Variants in PRKCH observed in about 807,000 individuals in gnomAD.
PRKCH encodes protein kinase C eta type.
In PRKCH, 28 loss-of-function variants were observed where a neutral mutation model predicts 82.5. The ratio of observed to expected loss-of-function variants is 0.34; its 90% CI spans 0.25 to 0.47. The LOEUF is 0.47. Ranked by LOEUF, PRKCH falls within the 20% of genes least tolerant of loss-of-function variation. The probability of loss-of-function intolerance (pLI) is 1.00; values close to 1 mark genes in which losing one functional copy is unlikely to be tolerated. For missense variants in PRKCH, 705 were observed against 881.8 expected, an observed-to-expected ratio of 0.80 and a Z score of 2.54; for synonymous variants, 322 against 327.4, an observed-to-expected ratio of 0.98 and a Z score of 0.18.
At position 61,444,510 on chromosome 14, in the gene PRKCH, G is replaced by A. The variant is rs1884123515; in HGVS notation, c.579-1182G>A. ...CCTGACCTGAACTGACATTCATAAT[G>A]GAAACTTATTTGATCATTTCACTGA... On this transcript the variant is annotated intron_variant, in intron 3 of 13. Transcript: ENST00000332981. 2.0e-5 allele frequency among the ~76,000 whole-genome samples: 3 copies of A among 152,014 alleles called. No individual in the cohort carries two copies. The South Asian group carries it at 6.2e-4, about 32-fold the overall frequency.
chr14:61,481,677 A>G (rs1409752248), intron 9 of PRKCH, among the ~76,000 whole-genome samples: 1 of 152,242 alleles, frequency 6.6e-6, no homozygotes, highest in Non-Finnish European at 1.5e-5. Flanking sequence ...TAGAAAAAAG[A>G]AATGTCACCC....
chr14:61,376,539 T>C (rs1446555893), intron 1 of PRKCH, among the ~76,000 whole-genome samples: 1 of 152,198 alleles, frequency 6.6e-6, no homozygotes, highest in Non-Finnish European at 1.5e-5. Context: ...AGTCTTACCG[T>C]CTTCCAGATA....
chr14:61,279,338 C>G (rs1335720162), intron 1 of PRKCH: 2 of 152,180 alleles, frequency 1.3e-5, no homozygotes, highest in African/African-American at 4.8e-5. Flanking sequence ...AGTGCCAGAC[C>G]AAACCTGGAA....
chr14:61,373,356 G>T (rs1180794070), intron 1 of PRKCH, among the ~76,000 whole-genome samples: 1 of 151,588 alleles, frequency 6.6e-6, no homozygotes, highest in African/African-American at 2.4e-5. Flanking sequence ...AGAGTAAAGG[G>T]GAAAGTGCCA....
At chr14:61,403,683 C>T (rs1881787172) in intron 2 of PRKCH, among the ~76,000 whole-genome samples, 1 of 152,174 alleles carries the variant, frequency 6.6e-6, no homozygotes, top group Non-Finnish European at 1.5e-5. Flanking sequence ...GCTGTGAGCA[C>T]TAAAAGCTGA....
intron 2 of PRKCH, among the ~76,000 whole-genome samples, chr14:61,401,378 G>T (rs1881606233): frequency 6.6e-6 from 1 of 152,174 alleles, no homozygotes; most frequent in Non-Finnish European, 1.5e-5. Flanking sequence ...CTGACTGTAA[G>T]TGAAAAAACT....
intron 4 of PRKCH, 111 bp downstream of exon 4, chr14:61,445,837 TG>T: frequency 8.5e-7 from 1 of 1,178,906 alleles, no homozygotes; most frequent in South Asian, 1.3e-5. Flanking sequence ...AATAACTCTC[TG>T]TAGGTCAAAG....
intron 9 of PRKCH, among the ~76,000 whole-genome samples, chr14:61,479,246 C>CGTTTCCTAACTCAT (rs1480938509): frequency 6.6e-6 from 1 of 152,182 alleles, no homozygotes; most frequent in African/African-American, 2.4e-5. Context: ...AAGCAGTTTC[C>CGTTTCCTAACTCAT]GTTTCCTAAC....
rs761903515 is a variant in PRKCH at position 61,449,230 on chromosome 14, A to G, written c.680A>G (p.Asn227Ser). 32 of 1,613,642 alleles carry G rather than the reference A, an allele frequency of 2.0e-5. No individual in the cohort carries two copies. The highest frequency in any genetic ancestry group is 2.7e-5 in the Non-Finnish European group (32 of 1,179,686). Residue 227 changes from asparagine to serine, a missense_variant, in exon 5 of 14, where the codon AAT (asparagine) becomes AGT (serine). Asn to Ser is a conservative substitution (Grantham distance 46). Coordinates refer to ENST00000332981, the MANE Select transcript of PRKCH (RefSeq NM_006255.5). ...LIVTACTCQN[N>S]INKVDSKIAE... Reference sequence around the variant, plus strand: ...GTTACAGCCTGTACTTGCCAAAACAATATTAACAAAGTGGATTCAAAGGTA... The same window carrying G: ...GTTACAGCCTGTACTTGCCAAAACAGTATTAACAAAGTGGATTCAAAGGTA...
At chr14:61,451,971 G>A (rs895695792) in intron 6 of PRKCH, among the ~76,000 whole-genome samples, 6 of 152,194 alleles carry the variant, frequency 3.9e-5, no homozygotes, top group Non-Finnish European at 7.3e-5. Flanking sequence ...CTTGTAGGGC[G>A]TTGGTCCAGG....
At chr14:61,516,862 T>A (rs932669537) in intron 10 of PRKCH, among the ~76,000 whole-genome samples, 2 of 152,194 alleles carry the variant, frequency 1.3e-5, no homozygotes, top group Non-Finnish European at 2.9e-5. Context: ...AACAAAGCCT[T>A]TTATGCAAAA....
At chr14:61,192,891 G>A (rs2044415628) in intron 1 of PRKCH, among the ~76,000 whole-genome samples, 1 of 152,206 alleles carries the variant, frequency 6.6e-6, no homozygotes, top group Non-Finnish European at 1.5e-5. Context: ...TCTGTGAACA[G>A]AGCAACCACT....
At chr14:61,250,599 C>T (rs1420401382) in intron 1 of PRKCH, among the ~76,000 whole-genome samples, 6 of 151,834 alleles carry the variant, frequency 4.0e-5, no homozygotes, top group South Asian at 2.1e-4. Flanking sequence ...GAGGAGGGGA[C>T]GGATAGGTGG....
chr14:61,276,224 G>GA (rs939729636), intron 1 of PRKCH, among the ~76,000 whole-genome samples: 159 of 149,196 alleles, frequency 1.1e-3, no homozygotes, highest in Middle Eastern at 3.4e-3. Flanking sequence ...TTTTCCTGGG[G>GA]AAAAAAAAAT....
intron 1 of PRKCH, among the ~76,000 whole-genome samples, chr14:61,271,108 A>C (rs1594883966): frequency 6.6e-6 from 1 of 152,242 alleles, no homozygotes; most frequent in Non-Finnish European, 1.5e-5. Context: ...CAATGTGTGC[A>C]CAACTTAAGG....
intron 1 of PRKCH, chr14:61,278,954 TATGA>T (rs1178741554): frequency 1.4e-5 from 2 of 145,896 alleles, no homozygotes; most frequent in African/African-American, 2.5e-5. Context: ...AGGGAAAAGG[TATGA>T]ATGAAGCCCT....
chr14:61,300,779 G>A lies in PRKCH; in HGVS notation c.-19+113111G>A, dbSNP rs2045442496. Reference sequence around the variant, plus strand: ...GAATGGCTGGCAGCTGTGACAATAGGAAAAGGCTACCTGGGGGCTAGGCAT... The same window carrying A: ...GAATGGCTGGCAGCTGTGACAATAGAAAAAGGCTACCTGGGGGCTAGGCAT... On this transcript the variant is annotated intron_variant, in intron 1 of 3. Transcript: ENST00000555185. Among the ~76,000 whole-genome samples, 3 of 152,234 alleles carry A rather than the reference G, an allele frequency of 2.0e-5. No individual in the cohort carries two copies. In the South Asian group the frequency reaches 6.2e-4, roughly 32 times the overall value.
At chr14:61,208,151 C>G (rs2044542431) in intron 1 of PRKCH, among the ~76,000 whole-genome samples, 1 of 152,038 alleles carries the variant, frequency 6.6e-6, no homozygotes, top group Non-Finnish European at 1.5e-5. Flanking sequence ...TGTTTAATTA[C>G]AAAGTATTTA....
chr14:61,433,174 A>G (rs969033667), intron 2 of PRKCH, among the ~76,000 whole-genome samples: 1 of 152,210 alleles, frequency 6.6e-6, no homozygotes. Context: ...GCAACAGTAC[A>G]GCAGTTTTAA....
Sources: allele counts gnomAD v4.1 joint callset (sites outside exome capture counted in the v4.1 genomes callset), GRCh38; gene constraint gnomAD v4.1.1; transcripts MANE v1.5; gene names NCBI Gene and HGNC (gene_info 2026-07-23, HGNC 2026-07-21).